VPS13B: variants seen among roughly 807,000 people sequenced by gnomAD.
The protein encoded by VPS13B is vacuolar protein sorting 13 homolog B.
Under a neutral mutation model 426.4 loss-of-function variants are expected in VPS13B, and 285 were observed. The observed-to-expected ratio is 0.67, with a 90% CI of 0.61 to 0.74. The LOEUF is 0.74. Ranked by LOEUF, VPS13B falls within the 30% of genes least tolerant of loss-of-function variation. The pLI is 0.00. For missense variants in VPS13B, 4,537 were observed against 4,782.6 expected (o/e 0.95, Z 1.51); for synonymous variants, 1,676 against 1,676.4 (o/e 1.00, Z 0.01).
intron 31 of VPS13B, among the ~76,000 whole-genome samples, chr8:99,572,880 T>C (rs1307612437): frequency 2.6e-5 from 4 of 152,172 alleles, no homozygotes; most frequent in African/African-American, 9.7e-5. Context: ...ATCGCCACAC[T>C]GTCTTCCACA....
intron 19 of VPS13B, among the ~76,000 whole-genome samples, chr8:99,351,433 A>AGT (rs1170377671): frequency 1.2e-3 from 173 of 143,978 alleles, no homozygotes; most frequent in African/African-American, 3.5e-3. Flanking sequence ...AGAGAGAGAG[A>AGT]GAGTGTGTGT....
At chr8:99,583,673 A>G (rs1826179814) in intron 33 of VPS13B, among the ~76,000 whole-genome samples, 1 of 152,174 alleles carries the variant, frequency 6.6e-6, no homozygotes, top group Non-Finnish European at 1.5e-5. Context: ...TAGAAATAGG[A>G]ACTTGAAGGT....
chr8:99,868,140 G>A, intron 58 of VPS13B, 149 bp from the exon 59 acceptor site: 1 of 908,144 alleles, frequency 1.1e-6, no homozygotes, highest in African/African-American at 1.7e-5. Context: ...GGTGTACTTA[G>A]ATAACTGGTA....
Position 99,028,078 on chromosome 8 carries a change from A to G in VPS13B, c.148-10345A>G, listed in dbSNP as rs548722762. On this transcript the variant is annotated intron_variant, in intron 2 of 61. Coordinates refer to ENST00000357162, the MANE Select transcript of VPS13B (RefSeq NM_152564.5). ...CCAAGGCAGAAGAATTTTTCTTAGT[A>G]CAGAACAAAATGAAAAGTCTCCCAT... is the stretch of plus-strand genomic sequence containing the variant. 4.6e-3 allele frequency among the ~76,000 whole-genome samples: 700 copies of G among 152,332 alleles called. 5 individuals carry two copies. The highest frequency in any genetic ancestry group is 0.016 in the African/African-American group (660 of 41,566).
chr8:99,315,145 C>G (rs182859723), intron 19 of VPS13B, among the ~76,000 whole-genome samples: 1 of 152,046 alleles, frequency 6.6e-6, no homozygotes, highest in Non-Finnish European at 1.5e-5. Flanking sequence ...TTGATGGAAT[C>G]TCTGGCATCC....
chr8:99,669,788 A>T (rs1213717097), intron 35 of VPS13B, among the ~76,000 whole-genome samples: 1 of 151,988 alleles, frequency 6.6e-6, no homozygotes. Context: ...GATTTTAAGA[A>T]TCTGTTGACT....
chr8:99,469,195 G>C (rs2133517278), intron 24 of VPS13B, among the ~76,000 whole-genome samples: 1 of 145,302 alleles, frequency 6.9e-6, no homozygotes, highest in Admixed American at 6.8e-5. Context: ...TTTGACACAG[G>C]GTCTTACTTG....
intron 23 of VPS13B, among the ~76,000 whole-genome samples, chr8:99,466,298 C>T (rs1473954655): frequency 6.6e-6 from 1 of 152,080 alleles, no homozygotes; most frequent in Non-Finnish European, 1.5e-5. Context: ...AATTTATCTG[C>T]AGTATGGCAT....
intron 19 of VPS13B, among the ~76,000 whole-genome samples, chr8:99,289,661 G>A (rs1819625906): frequency 6.6e-6 from 1 of 152,064 alleles, no homozygotes; most frequent in Admixed American, 6.6e-5. Context: ...AATCTTTTCA[G>A]GAAGAAAGAA....
intron 39 of VPS13B, among the ~76,000 whole-genome samples, chr8:99,756,673 G>A (rs1810657392): frequency 6.6e-6 from 1 of 152,180 alleles, no homozygotes; most frequent in South Asian, 2.1e-4. Context: ...AAGACAGTGA[G>A]ATGACATATT....
At chr8:99,052,988 G>T (rs993716952) in intron 3 of VPS13B, among the ~76,000 whole-genome samples, 1 of 151,864 alleles carries the variant, frequency 6.6e-6, no homozygotes, top group African/African-American at 2.4e-5. Flanking sequence ...ACCAGCTGCT[G>T]GATTCATTGA....
Position 99,510,187 on chromosome 8 carries a change from A to G in VPS13B, c.4225-917A>G, listed in dbSNP as rs537690011. ...ACATCACATTACTGTTTAAATATGC[A>G]GTAACTGTTTATTTAGTTCAGTTAT... is the stretch of plus-strand genomic sequence containing the variant. On this transcript the variant is annotated intron_variant, in intron 28 of 61. Transcript: ENST00000357162. Among the ~76,000 whole-genome samples the G allele has an allele frequency of 7.2e-5, 11 of 152,334 alleles. No individual in the cohort carries two copies. In the South Asian group the frequency reaches 2.3e-3, roughly 32 times the overall value.
intron 19 of VPS13B, among the ~76,000 whole-genome samples, chr8:99,290,936 A>G (rs1819701454): frequency 6.6e-6 from 1 of 152,140 alleles, no homozygotes; most frequent in Non-Finnish European, 1.5e-5. Flanking sequence ...CCCTCAGATT[A>G]AAACGGGCCT....
intron 19 of VPS13B, among the ~76,000 whole-genome samples, chr8:99,315,894 T>C (rs1809625262): frequency 6.6e-6 from 1 of 152,218 alleles, no homozygotes; most frequent in Non-Finnish European, 1.5e-5. Flanking sequence ...GTTTCTTTTG[T>C]TCTTATGTTG....
At chr8:99,627,755 G>A (rs1828677804) in intron 33 of VPS13B, among the ~76,000 whole-genome samples, 2 of 152,126 alleles carry the variant, frequency 1.3e-5, no homozygotes, top group South Asian at 4.1e-4. Flanking sequence ...GTTATGATTT[G>A]TCAATCAAAA....
At position 99,096,472 on chromosome 8, in the gene VPS13B, T is replaced by A. The variant is rs1276829960; in HGVS notation, c.412+40T>A. ...GATCAATAAAACCAAATTTCAATTT[T>A]TGGCCGGGCATGGTGGCTCATGCCT... On this transcript the variant is annotated intron_variant, in intron 4 of 61. Transcript: ENST00000357162. 8 of 1,611,874 alleles carry A rather than the reference T, an allele frequency of 5.0e-6. No homozygotes were observed. In the African/African-American group the frequency reaches 1.1e-4, roughly 22 times the overall value.
At chr8:99,016,954 C>T (rs1841655724) in intron 2 of VPS13B, among the ~76,000 whole-genome samples, 1 of 152,106 alleles carries the variant, frequency 6.6e-6, no homozygotes, top group Admixed American at 6.6e-5. Context: ...TATTTACTCT[C>T]AGTTTGTGGC....
chr8:99,335,802 T>G (rs1271261903), intron 19 of VPS13B, among the ~76,000 whole-genome samples: 3 of 152,058 alleles, frequency 2.0e-5, no homozygotes, highest in Non-Finnish European at 4.4e-5. Flanking sequence ...GAATCCAACT[T>G]ACAAGGGTCG....
chr8:99,809,339 G>T, intron 43 of VPS13B, 36 bp from the exon 44 acceptor site: 1 of 1,613,492 alleles, frequency 6.2e-7, no homozygotes, highest in Non-Finnish European at 8.5e-7. Flanking sequence ...TTGTTGGCAC[G>T]TTTGGCATTA....
Sources: allele counts gnomAD v4.1 joint callset (sites outside exome capture counted in the v4.1 genomes callset), GRCh38; gene constraint gnomAD v4.1.1; transcripts MANE v1.5; gene names NCBI Gene and HGNC (gene_info 2026-07-23, HGNC 2026-07-21).